FANCD2: variants seen among roughly 807,000 people sequenced by gnomAD.
FANCD2 encodes Fanconi anemia group D2 protein.
A neutral mutation model predicts 192.3 loss-of-function variants in FANCD2; 131 were observed. That is an observed-to-expected ratio of 0.68 (90% CI 0.59 to 0.79). The LOEUF (loss-of-function observed/expected upper bound fraction) is 0.79. Among genes scored for constraint, FANCD2 ranks in the 30% least tolerant of loss-of-function variants. FANCD2 has a pLI of 0.00. For synonymous variants in FANCD2, 524 were observed against 612.5 expected, an observed-to-expected ratio of 0.86 and a Z score of 2.13; for missense variants, 1,508 against 1,701.6, an observed-to-expected ratio of 0.89 and a Z score of 2.00.
intron 3 of FANCD2, among the ~76,000 whole-genome samples, chr3:10,033,544 A>G (rs2086652927): frequency 6.6e-6 from 1 of 152,050 alleles, no homozygotes; most frequent in Non-Finnish European, 1.5e-5. Context: ...ATAAATATCC[A>G]GAAAGCAGCT....
intron 36 of FANCD2, among the ~76,000 whole-genome samples, 159 bp downstream of exon 36, chr3:10,089,109 AC>A (rs1694419284): frequency 6.6e-6 from 1 of 151,992 alleles, no homozygotes; most frequent in African/African-American, 2.4e-5. Flanking sequence ...ACATAGTGAA[AC>A]CCTGTCCCTA....
chr3:10,069,462 T>TCCAC (rs1455858567), intron 26 of FANCD2, among the ~76,000 whole-genome samples: 1 of 121,548 alleles, frequency 8.2e-6, no homozygotes, highest in Non-Finnish European at 1.6e-5. Flanking sequence ...TTAAGATGCC[T>TCCAC]CTCCCCCTCC....
intron 41 of FANCD2, 141 bp from the exon 42 acceptor site, chr3:10,096,185 A>G (rs1694947091): frequency 1.2e-6 from 1 of 859,076 alleles, no homozygotes; most frequent in Non-Finnish European, 1.9e-6. Context: ...ACTCTGCCAA[A>G]CTATTCCTGT....
At chr3:10,065,296 G>A (rs34224126) in intron 23 of FANCD2, 98 bp from the exon 24 acceptor site, 31 of 869,292 alleles carry the variant, frequency 3.6e-5, no homozygotes, top group African/African-American at 4.9e-5. Flanking sequence ...CTCAAAAAAA[G>A]AAGTTGTGTT....
chr3:10,092,276 C>A, intron 38 of FANCD2, 24 bp downstream of exon 38: 1 of 1,553,842 alleles, frequency 6.4e-7, no homozygotes, highest in Non-Finnish European at 8.9e-7. Flanking sequence ...CTGCTTGACA[C>A]ATCTCACCAA....
At chr3:10,052,525 T>TC in intron 18 of FANCD2, 28 bp downstream of exon 18, 2 of 1,522,748 alleles carry the variant, frequency 1.3e-6, no homozygotes, top group East Asian at 2.3e-5. Flanking sequence ...GGGAAAGATT[T>TC]TTTTTTTTTT....
chr3:10,095,493 C>G (rs775166162), intron 41 of FANCD2: 5 of 594,382 alleles, frequency 8.4e-6, no homozygotes, highest in Admixed American at 2.9e-5. Context: ...CTCCAAAGCT[C>G]TTTTTCCTCT....
chr3:10,045,506 A>T (rs553287456), intron 14 of FANCD2: 2 of 151,788 alleles, frequency 1.3e-5, no homozygotes, highest in East Asian at 2.0e-4. Context: ...TATTCCAAAA[A>T]TTAAAATTAC....
intron 43 of FANCD2, 25 bp from the exon 44 acceptor site, chr3:10,101,163 T>TA: frequency 6.3e-7 from 1 of 1,580,008 alleles, no homozygotes; most frequent in South Asian, 1.1e-5. Context: ...CTAAAATGCT[T>TA]ATTTATTTAT....
intron 18 of FANCD2, among the ~76,000 whole-genome samples, chr3:10,057,431 C>A (rs771454092): frequency 6.6e-6 from 1 of 150,950 alleles, no homozygotes; most frequent in Non-Finnish European, 1.5e-5. Flanking sequence ...GTGGCACAAT[C>A]TCAGCTCACT....
intron 38 of FANCD2, 61 bp from the exon 39 acceptor site, chr3:10,093,222 AAG>A (rs1430884525): frequency 7.7e-7 from 1 of 1,296,526 alleles, no homozygotes; most frequent in Non-Finnish European, 1.1e-6. Context: ...CGCAGCGGGA[AAG>A]AGGCTGGAGT....
rs2125069514 is a variant in FANCD2 at position 10,085,876 on chromosome 3, C to T, written c.3289C>T (p.Arg1097Ter). 1.9e-6 allele frequency: 3 copies of T among 1,613,614 alleles called. No individual in the cohort carries two copies. Among genetic ancestry groups the T allele is most frequent in the Non-Finnish European group, 2.5e-6 (3 of 1,179,696 alleles). ...LYSALHVLSS[R>*]LKQGEHSQPL... ...TTCAGCCCTCCATGTCCTTAGTAGCCGACTGAAACAGGGAGAACACAGCCA... is the reference window on the plus strand; with the variant it reads ...TTCAGCCCTCCATGTCCTTAGTAGCTGACTGAAACAGGGAGAACACAGCCA... Residue 1097 changes from arginine to a stop codon, truncating the protein, a stop_gained, in exon 33 of 44, where the codon CGA (arginine) becomes TGA (stop). Transcript: ENST00000675286. LOFTEE classifies it high-confidence loss of function.
intron 26 of FANCD2, among the ~76,000 whole-genome samples, chr3:10,070,361 C>T (rs1435125930): frequency 1.4e-5 from 2 of 144,862 alleles, no homozygotes; most frequent in South Asian, 2.2e-4. Flanking sequence ...CCAGCCGCCC[C>T]GTCCGGGAGG....
intron 35 of FANCD2, 122 bp from the exon 36 acceptor site, chr3:10,088,706 G>C: frequency 8.4e-7 from 1 of 1,186,986 alleles, no homozygotes; most frequent in Non-Finnish European, 1.3e-6. Context: ...AGATCCTCTG[G>C]TTCTGTTTTA....
intron 42 of FANCD2, among the ~76,000 whole-genome samples, chr3:10,097,517 A>G (rs1449538283): frequency 6.6e-6 from 1 of 152,224 alleles, no homozygotes; most frequent in Non-Finnish European, 1.5e-5. Context: ...GAAGAGAAAC[A>G]TGGTTCTGTT....
chr3:10,088,699 T>C, intron 35 of FANCD2, 129 bp from the exon 36 acceptor site: 1 of 1,148,786 alleles, frequency 8.7e-7, no homozygotes, highest in Non-Finnish European at 1.3e-6. Flanking sequence ...GATCTTAAGA[T>C]CCTCTGGTTC....
chr3:10,034,715 T>C lies in FANCD2; in HGVS notation c.294T>C (p.Ser98=), dbSNP rs1037892058. 1.9e-6 allele frequency: 3 copies of C among 1,568,242 alleles called. No homozygotes were observed. The highest frequency in any genetic ancestry group is 2.6e-6 in the Non-Finnish European group (3 of 1,156,046). ...TTAAGATAATAGAAGAATTTGTTAG[T>C]GGCCTGGAGTCTTACATTGAGGATG... The part of the protein sequence containing the change: ...SYPKIIEEFV[S]GLESYIEDED... Residue 98 remains serine, a synonymous_variant, in exon 5 of 44, where the codon AGT becomes AGC. Transcript: ENST00000675286.
chr3:10,087,152 G>A lies in FANCD2; in HGVS notation c.3354G>A (p.Leu1118=), dbSNP rs2125072431. The A allele has an allele frequency of 6.2e-7, 1 of 1,613,974 alleles. No individual in the cohort carries two copies. The highest frequency in any genetic ancestry group is 2.2e-5 in the East Asian group (1 of 44,856). The change falls in exon 34 of 44, where the codon TTG becomes TTA. Residue 1118 remains leucine, a synonymous_variant. Transcript: ENST00000675286. ...EELLSQSVHY[L]QNFHQSIPSF... ...CTTACAGCCAGAGCGTCCATTACTT[G>A]CAGAATTTCCATCAAAGCATTCCCA...
intron 2 of FANCD2, among the ~76,000 whole-genome samples, chr3:10,031,231 C>T (rs189086962): frequency 3.7e-4 from 57 of 152,192 alleles, no homozygotes; most frequent in Non-Finnish European, 4.4e-4. Context: ...AGGCCAGGCA[C>T]GGTGGCTCAC....
Sources: allele counts gnomAD v4.1 joint callset (sites outside exome capture counted in the v4.1 genomes callset), GRCh38; gene constraint gnomAD v4.1.1; transcripts MANE v1.5; gene names NCBI Gene and HGNC (gene_info 2026-07-23, HGNC 2026-07-21).